SH3PXD2A: variants seen among roughly 807,000 people sequenced by gnomAD.
SH3PXD2A encodes SH3 and PX domains 2A, also known as SH3 and PX domain-containing protein 2A.
In SH3PXD2A, 32 loss-of-function variants were observed where a neutral mutation model predicts 115.2. The ratio of observed to expected loss-of-function variants is 0.28; its 90% CI spans 0.21 to 0.37. The LOEUF (loss-of-function observed/expected upper bound fraction) is 0.37. Among genes scored for constraint, SH3PXD2A ranks in the 10% least tolerant of loss-of-function variants. SH3PXD2A has a pLI of 1.00. For missense variants in SH3PXD2A, 1,328 were observed against 1,498.7 expected (o/e 0.89, Z 1.88); for synonymous variants, 610 against 629.1 (o/e 0.97, Z 0.45).
intron 5 of SH3PXD2A, among the ~76,000 whole-genome samples, chr10:103,719,346 A>G (rs1030883785): frequency 6.6e-6 from 1 of 152,256 alleles, no homozygotes; most frequent in Non-Finnish European, 1.5e-5. Flanking sequence ...GGGGCCAGCC[A>G]GCCTGGCTTG....
chr10:103,730,851 G>C (rs2038307600), intron 4 of SH3PXD2A, among the ~76,000 whole-genome samples: 1 of 152,180 alleles, frequency 6.6e-6, no homozygotes, highest in Non-Finnish European at 1.5e-5. Flanking sequence ...GCACAGAGTC[G>C]GGGTGGGCGC....
chr10:103,636,373 C>T (rs2036864837), intron 8 of SH3PXD2A, among the ~76,000 whole-genome samples: 1 of 149,204 alleles, frequency 6.7e-6, no homozygotes, highest in East Asian at 2.0e-4. Context: ...CGTACCACTG[C>T]ACTCCAGCCT....
At chr10:103,723,372 G>A (rs534237467) in intron 5 of SH3PXD2A, among the ~76,000 whole-genome samples, 7 of 152,282 alleles carry the variant, frequency 4.6e-5, no homozygotes, top group Non-Finnish European at 8.8e-5. Context: ...ACCAGCTCCT[G>A]GGTGGGAGCT....
intron 1 of SH3PXD2A, among the ~76,000 whole-genome samples, chr10:103,832,290 C>T (rs552411130): frequency 8.0e-5 from 12 of 150,788 alleles, no homozygotes; most frequent in Non-Finnish European, 1.5e-4. Flanking sequence ...AATCATTGCA[C>T]GTGTCTTCTC....
At chr10:103,695,254 C>G (rs2037810910) in intron 5 of SH3PXD2A, among the ~76,000 whole-genome samples, 1 of 152,166 alleles carries the variant, frequency 6.6e-6, no homozygotes, top group Non-Finnish European at 1.5e-5. Context: ...GCTGCCTTCT[C>G]CAGCTCTGAG....
chr10:103,815,056 A>G (rs2039310569), intron 1 of SH3PXD2A, among the ~76,000 whole-genome samples: 1 of 152,208 alleles, frequency 6.6e-6, no homozygotes, highest in Admixed American at 6.5e-5. Flanking sequence ...CACAAAAATT[A>G]ACTTGAAATA....
intron 2 of SH3PXD2A, among the ~76,000 whole-genome samples, chr10:103,800,633 T>C (rs573231596): frequency 1.3e-5 from 2 of 152,298 alleles, no homozygotes; most frequent in East Asian, 1.9e-4. Flanking sequence ...GCCAGTGCAA[T>C]TGTAAAACTA....
At chr10:103,659,267 G>T (rs1212304093) in intron 8 of SH3PXD2A, among the ~76,000 whole-genome samples, 1 of 152,168 alleles carries the variant, frequency 6.6e-6, no homozygotes, top group African/African-American at 2.4e-5. Context: ...AGCCCCCAAA[G>T]ACATGGGGGC....
intron 1 of SH3PXD2A, among the ~76,000 whole-genome samples, chr10:103,854,475 T>A (rs1842922339): frequency 6.6e-6 from 1 of 151,994 alleles, no homozygotes; most frequent in Non-Finnish European, 1.5e-5. Flanking sequence ...TCATTAAAGT[T>A]TGGGGGAGGA....
chr10:103,676,215 G>A (rs1201927076), intron 6 of SH3PXD2A, among the ~76,000 whole-genome samples: 1 of 152,206 alleles, frequency 6.6e-6, no homozygotes, highest in Admixed American at 6.5e-5. Flanking sequence ...TATTTCTGCT[G>A]CTTTTCGTAA....
At chr10:103,778,395 A>G (rs999245655) in intron 2 of SH3PXD2A, among the ~76,000 whole-genome samples, 8 of 152,202 alleles carry the variant, frequency 5.3e-5, no homozygotes, top group African/African-American at 1.9e-4. Context: ...GGCACAGAGG[A>G]AACCCCCAGA....
intron 1 of SH3PXD2A, among the ~76,000 whole-genome samples, chr10:103,834,954 T>C (rs1306421182): frequency 6.6e-6 from 1 of 152,228 alleles, no homozygotes; most frequent in Non-Finnish European, 1.5e-5. Flanking sequence ...TTAATAGTTC[T>C]GGGCCTGGGA....
At chr10:103,715,779 G>T (rs2038098406) in intron 5 of SH3PXD2A, among the ~76,000 whole-genome samples, 1 of 152,240 alleles carries the variant, frequency 6.6e-6, no homozygotes, top group Non-Finnish European at 1.5e-5. Context: ...GACTGGGATT[G>T]GGGATGTGGG....
At chr10:103,726,356 G>A (rs1246640353) in intron 4 of SH3PXD2A, among the ~76,000 whole-genome samples, 1 of 152,176 alleles carries the variant, frequency 6.6e-6, no homozygotes, top group East Asian at 1.9e-4. Context: ...TCTCATGAGG[G>A]TCGTCCTCAT....
intron 3 of SH3PXD2A, among the ~76,000 whole-genome samples, chr10:103,745,097 T>A (rs771565061): frequency 6.6e-6 from 1 of 152,154 alleles, no homozygotes; most frequent in Non-Finnish European, 1.5e-5. Context: ...CAGGAAGAGA[T>A]GTGTTCTCTC....
At position 103,784,717 on chromosome 10, in the gene SH3PXD2A, G is replaced by A. The variant is rs554952416; in HGVS notation, c.153+16565C>T. ...AGGAGGATGGGTCTGCTGGGGTGGA[G>A]GAGGAAGAAGAGGAAAAGAAAGGGG... is the stretch of plus-strand genomic sequence containing the variant. On this transcript the variant is annotated intron_variant, in intron 2 of 14. Coordinates refer to ENST00000369774, the MANE Select transcript of SH3PXD2A (RefSeq NM_001394015.1). This position sits in a 1 kb window ranked among gnomAD's most constrained non-coding sequence, Gnocchi z 4.4. 6.6e-6 allele frequency among the ~76,000 whole-genome samples: 1 copy of A among 151,986 alleles called. No homozygotes were observed. The highest frequency in any genetic ancestry group is 2.4e-5 in the African/African-American group (1 of 41,416).
intron 10 of SH3PXD2A, among the ~76,000 whole-genome samples, chr10:103,618,518 G>T (rs1385783474): frequency 1.3e-5 from 2 of 152,238 alleles, no homozygotes; most frequent in African/African-American, 4.8e-5. Context: ...AGCTGAGACA[G>T]GAGGAGGAAG....
intron 2 of SH3PXD2A, among the ~76,000 whole-genome samples, chr10:103,768,536 G>A (rs1485082411): frequency 6.6e-6 from 1 of 152,236 alleles, no homozygotes; most frequent in Non-Finnish European, 1.5e-5. Context: ...GCCTGGTGAG[G>A]CTGTGGTGAA....
chr10:103,618,837 G>T (rs552567825), intron 10 of SH3PXD2A, among the ~76,000 whole-genome samples: 2 of 152,152 alleles, frequency 1.3e-5, no homozygotes, highest in Non-Finnish European at 2.9e-5. Context: ...ACTGGTGGCC[G>T]TGGGGGTGGG....
Sources: gnomAD v4.1 joint callset for allele counts (sites outside exome capture counted in the v4.1 genomes callset) on GRCh38, gnomAD v4.1.1 for gene constraint, Gnocchi (gnomAD v3.1) non-coding constraint, MANE v1.5 for transcripts, NCBI Gene and HGNC (gene_info 2026-07-23, HGNC 2026-07-21) for gene names.